INHBA: variants seen among roughly 807,000 people sequenced by gnomAD.
The protein encoded by INHBA is inhibin beta A chain.
In INHBA, 1 loss-of-function variant was observed where a neutral mutation model predicts 29.0. The observed-to-expected ratio is 0.03, with a 90% CI of 0.01 to 0.16. INHBA has a LOEUF of 0.16. Among genes scored for constraint, INHBA ranks in the 10% least tolerant of loss-of-function variants. INHBA has a pLI of 1.00. For missense variants in INHBA, 376 were observed against 545.4 expected (o/e 0.69, Z 3.09); for synonymous variants, 242 against 216.8 (o/e 1.12, Z -1.02).
rs1252778728 is a variant in INHBA, at chr7:41,690,154, C to T, written c.777G>A (p.Lys259=). 1 of 1,613,604 alleles carries T rather than the reference C, an allele frequency of 6.2e-7. No individual in the cohort carries two copies. Among genetic ancestry groups the T allele is most frequent in the Non-Finnish European group, 8.5e-7 (1 of 1,179,972 alleles). The part of the protein sequence containing the change: ...ESGASLVLLG[K]KKKKEEEGEG... ...CCCCCTCCTCTTCTTTCTTCTTCTT[C>T]TTGCCCAGGAGAACCAAGCTGGCGC... Residue 259 remains lysine, a synonymous_variant, in exon 3 of 3, where the codon AAG becomes AAA. Transcript: ENST00000242208.
At chr7:41,704,357 A>C (rs1455842584), upstream of INHBA, among the ~76,000 whole-genome samples, 1 of 152,048 alleles carries the variant, frequency 6.6e-6, no homozygotes, top group African/African-American at 2.4e-5. Flanking sequence ...GAAGTAGGAA[A>C]AAAATCATTA....
chr7:41,693,773 C>G (rs562705693), intron 2 of INHBA: 1 of 152,276 alleles, frequency 6.6e-6, no homozygotes, highest in South Asian at 2.1e-4. Context: ...TGTAGAGAGG[C>G]AAGGGTGCTG....
intron 2 of INHBA, 99 bp downstream of exon 2, chr7:41,699,888 G>T: frequency 1.1e-6 from 1 of 886,414 alleles, no homozygotes. Flanking sequence ...GCAGTTTCCA[G>T]CTGAAGGGAA....
At chr7:41,696,392 T>C (rs970301000) in intron 2 of INHBA, among the ~76,000 whole-genome samples, 2 of 152,246 alleles carry the variant, frequency 1.3e-5, no homozygotes, top group Admixed American at 1.3e-4. Context: ...AATGTTCACA[T>C]GTATCACTAG....
chr7:41,700,841 A>AATAGAGAGAGAG (rs1794769228), intron 1 of INHBA, among the ~76,000 whole-genome samples: 1 of 79,098 alleles, frequency 1.3e-5, no homozygotes, highest in East Asian at 4.8e-4. Context: ...GAGGGAAAGG[A>AATAGAGAGAGAG]AGAGAGAGAG....
intron 1 of INHBA, 78 bp from the exon 2 acceptor site, chr7:41,700,595 G>T (rs1007828163): frequency 1.0e-5 from 4 of 383,556 alleles, no homozygotes; most frequent in Non-Finnish European, 1.4e-5. Flanking sequence ...CTGTAGGTTT[G>T]TGGCTGTCAG....
At chr7:41,691,915 C>A (rs751554471) in intron 2 of INHBA, 14 of 152,190 alleles carry the variant, frequency 9.2e-5, no homozygotes, top group Non-Finnish European at 1.5e-4. Context: ...CATTACAGGG[C>A]AGATTAATGG....
Position 41,686,603 on chromosome 7 carries a change from A to G in INHBA, c.*3047T>C, listed in dbSNP as rs970861272. On this transcript the variant is annotated 3_prime_UTR_variant, in exon 3 of 3. Coordinates refer to ENST00000242208, the MANE Select transcript of INHBA (RefSeq NM_002192.4). The stretch of plus-strand genomic sequence containing the variant: ...ATACTTCTATTTCAAAGCCATATAA[A>G]TTTAACAAAATTAAAGTTTGTGGGT... The G allele has an allele frequency of 6.6e-6, 1 of 152,222 alleles. No individual in the cohort carries two copies. The highest frequency in any genetic ancestry group is 2.4e-5 in the African/African-American group (1 of 41,464). 9.4% of individuals were successfully genotyped at this position (152,222 alleles called of 1,614,324 possible).
chr7:41,685,779 T>C lies in INHBA; in HGVS notation c.*3871A>G, dbSNP rs549690929. On this transcript the variant is annotated 3_prime_UTR_variant, in exon 3 of 3. Coordinates refer to ENST00000242208, the MANE Select transcript of INHBA (RefSeq NM_002192.4). Reference sequence around the variant, plus strand: ...TGAAGATGTGAACAGCTTCTAAGCATTCATTTTCTCTGACCCATACAACAG... The same window carrying C: ...TGAAGATGTGAACAGCTTCTAAGCACTCATTTTCTCTGACCCATACAACAG... 22 of 152,286 alleles carry C rather than the reference T, an allele frequency of 1.4e-4. 1 individual carries two copies. The South Asian group carries it at 4.6e-3, about 32-fold the overall frequency. 9.4% of individuals were successfully genotyped at this position (152,286 alleles called of 1,614,324 possible). A position where few individuals can be genotyped will look rare whatever the true frequency, so the allele number is the denominator to read the frequency against.
intron 2 of INHBA, among the ~76,000 whole-genome samples, chr7:41,699,165 T>C (rs1794714821): frequency 1.3e-5 from 2 of 152,254 alleles, no homozygotes; most frequent in Non-Finnish European, 2.9e-5. Flanking sequence ...ATCTATTTAT[T>C]AAAGTTCTTC....
In INHBA at chr7:41,689,701, G is replaced by T; in HGVS notation, c.1230C>A (p.Ile410=). ...SMLYYDDGQN[I]IKKDIQNMIV... ...TCATGTTCTGAATGTCCTTTTTGAT[G>T]ATGTTTTGACCATCATCATAGTACA... The change falls in exon 3 of 3, where the codon ATC becomes ATA. Residue 410 remains isoleucine (I), a synonymous_variant. Transcript: ENST00000242208. 1.2e-6 allele frequency: 2 copies of T among 1,610,060 alleles called. No individual in the cohort carries two copies. Among genetic ancestry groups the T allele is most frequent in the African/African-American group, 1.3e-5 (1 of 74,852 alleles).
intron 1 of INHBA, among the ~76,000 whole-genome samples, chr7:41,700,958 A>G (rs1439976668): frequency 6.6e-6 from 1 of 151,302 alleles, no homozygotes; most frequent in East Asian, 1.9e-4. Flanking sequence ...GGAGGGAGGG[A>G]CAGCCCGTTT....
chr7:41,702,364 A>G (rs2128672040), intron 1 of INHBA, among the ~76,000 whole-genome samples: 1 of 152,330 alleles, frequency 6.6e-6, no homozygotes, highest in South Asian at 2.1e-4. Flanking sequence ...CAAGTAACCT[A>G]ACACCTTTGG....
At chr7:41,694,018 T>C (rs1794580618) in intron 2 of INHBA, 1 of 152,260 alleles carries the variant, frequency 6.6e-6, no homozygotes, top group Admixed American at 6.5e-5. Flanking sequence ...GAAAATGCTG[T>C]TGCCATAATG....
chr7:41,703,283 G>A (rs1794834884), upstream of INHBA, among the ~76,000 whole-genome samples: 1 of 152,186 alleles, frequency 6.6e-6, no homozygotes, highest in South Asian at 2.1e-4. Flanking sequence ...ACTACTGGGT[G>A]ATGCACTGAG....
In INHBA at chr7:41,690,220, G is replaced by A. The variant is rs1458760887; in HGVS notation, c.711C>T (p.Ser237=). The A allele has an allele frequency of 5.0e-6, 8 of 1,613,846 alleles. No individual in the cohort carries two copies. The highest frequency in any genetic ancestry group is 6.8e-6 in the Non-Finnish European group (8 of 1,180,012). The change falls in exon 3 of 3, where the codon TCC becomes TCT. Residue 237 remains serine (S), a synonymous_variant. Transcript: ENST00000242208. ...IQRLLDQGKS[S]LDVRIACEQC... Reference sequence around the variant, plus strand: ...GCTCACAGGCAATCCGAACGTCCAGGGAGCTCTTGCCCTGGTCCAGCAACC... The same window carrying A: ...GCTCACAGGCAATCCGAACGTCCAGAGAGCTCTTGCCCTGGTCCAGCAACC...
chr7:41,690,026 T>C lies in INHBA; in HGVS notation c.905A>G (p.Asp302Gly). The change falls in exon 3 of 3, where the codon GAC (aspartate) becomes GGC (glycine). Residue 302 changes from aspartate (D) to glycine (G), a missense_variant. Physicochemically the swap from Asp to Gly is moderately conservative, Grantham distance 94. Transcript: ENST00000242208. ...FLMLQARQSEDHPHRRRRRGL... is the reference protein window; with the variant it reads ...FLMLQARQSEGHPHRRRRRGL... ...CCGCCGACGCCGGCGATGAGGGTGGTCTTCAGACTGCCGGGCCTGCAGCAT... is the reference window on the plus strand; with the variant it reads ...CCGCCGACGCCGGCGATGAGGGTGGCCTTCAGACTGCCGGGCCTGCAGCAT... 1 of 1,614,062 alleles carries C rather than the reference T, an allele frequency of 6.2e-7. No homozygotes were observed. The highest frequency in any genetic ancestry group is 8.5e-7 in the Non-Finnish European group (1 of 1,180,028).
Position 41,700,407 on chromosome 7 carries a change from T to A in INHBA, c.-33A>T. ...GCAAAAGTTGTTGTGATTGCCTTTT[T>A]AAAAGGCCCTGCTTTTCCTCCCCCC... On this transcript the variant is annotated 5_prime_UTR_variant, in exon 2 of 3. Coordinates refer to ENST00000242208, the MANE Select transcript of INHBA (RefSeq NM_002192.4). The A allele has an allele frequency of 1.4e-6, 2 of 1,404,266 alleles. No individual in the cohort carries two copies. Among genetic ancestry groups the A allele is most frequent in the Non-Finnish European group, 9.3e-7 (1 of 1,077,052 alleles). 87.0% of individuals were successfully genotyped at this position (1,404,266 alleles called of 1,614,324 possible). A position where few individuals can be genotyped will look rare whatever the true frequency, so the allele number is the denominator to read the frequency against.
chr7:41,701,159 C>T (rs1794784707), intron 1 of INHBA, among the ~76,000 whole-genome samples: 2 of 151,976 alleles, frequency 1.3e-5, no homozygotes, highest in South Asian at 2.1e-4. Flanking sequence ...AAAGAAACCC[C>T]AAACAAACAC....
Sources: allele counts gnomAD v4.1 joint callset (sites outside exome capture counted in the v4.1 genomes callset), GRCh38; gene constraint gnomAD v4.1.1; transcripts MANE v1.5; gene names NCBI Gene and HGNC (gene_info 2026-07-23, HGNC 2026-07-21).